FRMPD4: variants seen among roughly 807,000 people sequenced by gnomAD.
The protein encoded by FRMPD4 is FERM and PDZ domain-containing protein 4.
FRMPD4 carries 22 observed loss-of-function variants against 94.1 expected under a neutral mutation model. The ratio of observed to expected loss-of-function variants is 0.23; its 90% CI spans 0.17 to 0.33. The LOEUF is 0.33. Among genes scored for constraint, FRMPD4 ranks in the 10% least tolerant of loss-of-function variants. The pLI, the probability that FRMPD4 is intolerant of heterozygous loss-of-function variation, is 1.00. For synonymous variants in FRMPD4, 631 were observed against 548.6 expected (o/e 1.15, Z -2.10); for missense variants, 1,111 against 1,339.9 (o/e 0.83, Z 2.67).
At chrX:12,607,080 C>G (rs1026199907) in intron 2 of FRMPD4, among the ~76,000 whole-genome samples, 2 of 111,567 alleles carry the variant, frequency 1.8e-5, no homozygotes, top group Non-Finnish European at 1.9e-5. Flanking sequence ...GGCCTCCCCA[C>G]TTCTTCCCTG....
rs766076553 is a variant in FRMPD4 at position 12,068,601 on chromosome X, G to A, written c.95+190583G>A. On this transcript the variant is annotated intron_variant, in intron 3 of 18. Transcript: ENST00000640291. ...AAGTCTATGTATGCAGTATGACAGAGTATGTTTAAATGAAACTATGGAACT... is the reference window on the plus strand; with the variant it reads ...AAGTCTATGTATGCAGTATGACAGAATATGTTTAAATGAAACTATGGAACT... Among the ~76,000 whole-genome samples, 105 of 111,726 alleles carry A rather than the reference G, an allele frequency of 9.4e-4. 1 individual carries two copies. Among genetic ancestry groups the A allele is most frequent in the African/African-American group, 3.2e-3 (97 of 30,746 alleles).
intron 1 of FRMPD4, among the ~76,000 whole-genome samples, chrX:12,291,929 T>C (rs913832793): frequency 2.7e-5 from 3 of 112,119 alleles, no homozygotes; most frequent in Non-Finnish European, 3.8e-5. Context: ...CAGCACTTGT[T>C]ATTTCACTTC....
intron 3 of FRMPD4, among the ~76,000 whole-genome samples, chrX:11,911,528 A>G (rs760516923): frequency 6.2e-5 from 7 of 112,246 alleles, no homozygotes; most frequent in Non-Finnish European, 9.4e-5. Context: ...ATGGACTCCA[A>G]CTTCATGGTG....
chrX:12,701,983 C>G lies in FRMPD4; in HGVS notation c.1043C>G (p.Thr348Arg), dbSNP rs1447964676. The change falls in exon 10 of 17, where the codon ACG (threonine) becomes AGG (arginine). Residue 348 changes from threonine to arginine, a missense_variant. Thr to Arg is a moderately conservative substitution (Grantham distance 71, BLOSUM62 -1). Coordinates refer to ENST00000675598, the MANE Select transcript of FRMPD4 (RefSeq NM_001368397.1). ...ATTGCAACCGTTACCACCAAGCAAA[C>G]GCAGAAAATCTCCCTCAAATACATC... ...MYIATVTTKQTQKISLKYIEK... is the reference protein window; with the variant it reads ...MYIATVTTKQRQKISLKYIEK... The G allele has an allele frequency of 2.1e-5, 25 of 1,210,867 alleles. No homozygotes were observed. The highest frequency in any genetic ancestry group is 2.7e-5 in the Non-Finnish European group (24 of 894,173).
At chrX:12,491,966 C>G (rs144390484) in intron 1 of FRMPD4, among the ~76,000 whole-genome samples, 3,351 of 112,039 alleles carry the variant, frequency 0.03, 129 homozygotes, top group African/African-American at 0.1. Flanking sequence ...TGATGCCTCT[C>G]TGAGCAATGA....
At chrX:12,418,704 A>G (rs918360070) in intron 1 of FRMPD4, among the ~76,000 whole-genome samples, 8 of 111,255 alleles carry the variant, frequency 7.2e-5, no homozygotes, top group African/African-American at 2.6e-4. Flanking sequence ...TTTCTATGTG[A>G]CAAGGTTGAG....
At chrX:12,306,070 T>C (rs1463665928) in intron 1 of FRMPD4, among the ~76,000 whole-genome samples, 6 of 94,552 alleles carry the variant, frequency 6.3e-5, no homozygotes, top group African/African-American at 2.4e-4. Flanking sequence ...TAAAAACTTA[T>C]GCTGTGCTTC....
At chrX:12,467,712 A>G (rs1231136119) in intron 1 of FRMPD4, among the ~76,000 whole-genome samples, 1 of 112,439 alleles carries the variant, frequency 8.9e-6, no homozygotes, top group African/African-American at 3.2e-5. Context: ...TTAAAATGAC[A>G]CTTCACTTAT....
chrX:12,076,108 G>C (rs1333162023), intron 3 of FRMPD4, among the ~76,000 whole-genome samples: 7 of 111,569 alleles, frequency 6.3e-5, no homozygotes, highest in Non-Finnish European at 1.3e-4. Flanking sequence ...GACACTTGGG[G>C]TAGAGAACGA....
intron 1 of FRMPD4, among the ~76,000 whole-genome samples, chrX:12,280,680 G>A (rs992364167): frequency 7.2e-5 from 8 of 111,572 alleles, no homozygotes; most frequent in East Asian, 2.8e-4. Flanking sequence ...GCTCATCCTC[G>A]GATCTATGGA....
intron 10 of FRMPD4, 96 bp from the exon 11 acceptor site, chrX:12,704,263 G>T: frequency 1.6e-6 from 1 of 618,871 alleles, no homozygotes; most frequent in South Asian, 4.4e-5. Context: ...GCCTCACCAA[G>T]GGTTCATTTG....
chrX:12,645,787 A>C (rs761780642), intron 4 of FRMPD4, among the ~76,000 whole-genome samples: 1 of 112,279 alleles, frequency 8.9e-6, no homozygotes, highest in Non-Finnish European at 1.9e-5. Flanking sequence ...AGAAAAAAAT[A>C]CTTAGTTTAA....
intron 1 of FRMPD4, among the ~76,000 whole-genome samples, chrX:12,453,953 G>T (rs1465252201): frequency 1.8e-5 from 2 of 112,292 alleles, no homozygotes; most frequent in African/African-American, 6.5e-5. Flanking sequence ...TATCGTGAAG[G>T]CTTAGTTGTT....
chrX:11,929,382 T>C (rs1363734627), intron 3 of FRMPD4, among the ~76,000 whole-genome samples: 2 of 112,509 alleles, frequency 1.8e-5, no homozygotes, highest in Non-Finnish European at 3.8e-5. Context: ...GATTGCCTGT[T>C]CTCAGTGTTG....
intron 1 of FRMPD4, among the ~76,000 whole-genome samples, chrX:12,229,530 A>G (rs746659992): frequency 9.0e-6 from 1 of 111,121 alleles, no homozygotes; most frequent in Non-Finnish European, 1.9e-5. Flanking sequence ...TTACCCTTTG[A>G]CTGAGCTCCA....
intron 5 of FRMPD4, among the ~76,000 whole-genome samples, chrX:12,679,606 A>G (rs1376825840): frequency 1.8e-5 from 2 of 112,035 alleles, no homozygotes; most frequent in Non-Finnish European, 3.8e-5. Flanking sequence ...CAGGGTGCTC[A>G]CAACCTGTAT....
At chrX:12,559,507 G>A (rs1358135325) in intron 2 of FRMPD4, among the ~76,000 whole-genome samples, 1 of 110,594 alleles carries the variant, frequency 9.0e-6, no homozygotes, top group Non-Finnish European at 1.9e-5. Flanking sequence ...AAAATTAGCT[G>A]GGTGTGGTGG....
At chrX:12,137,338 T>C (rs1183536975), upstream of FRMPD4, among the ~76,000 whole-genome samples, 1 of 113,014 alleles carries the variant, frequency 8.8e-6, no homozygotes, top group Non-Finnish European at 1.9e-5. Context: ...AGTACTAGGC[T>C]TGAATACTGA....
chrX:12,549,183 G>A (rs770136592), intron 2 of FRMPD4, among the ~76,000 whole-genome samples: 12 of 112,096 alleles, frequency 1.1e-4, no homozygotes, highest in Middle Eastern at 4.6e-3. Context: ...AAAAGTCACC[G>A]CTTCTAGCCA....
Sources: gnomAD v4.1 joint callset for allele counts (sites outside exome capture counted in the v4.1 genomes callset) on GRCh38, gnomAD v4.1.1 for gene constraint, MANE v1.5 for transcripts, NCBI Gene and HGNC (gene_info 2026-07-23, HGNC 2026-07-21) for gene names.